Variants in IGFN1 observed in about 807,000 individuals in gnomAD.
IGFN1 encodes immunoglobulin like and fibronectin type III domain containing 1.
In IGFN1, 253 loss-of-function variants were observed where a neutral mutation model predicts 289.5. The observed-to-expected ratio is 0.87, with a 90% CI of 0.79 to 0.97. The LOEUF (loss-of-function observed/expected upper bound fraction) is 0.97. Among genes scored for constraint, IGFN1 ranks in the 50% least tolerant of loss-of-function variants. The pLI, the probability that IGFN1 is intolerant of heterozygous loss-of-function variation, is 0.00. For synonymous variants in IGFN1, 1,706 were observed against 1,788.5 expected, an observed-to-expected ratio of 0.95 and a Z score of 1.16; for missense variants, 4,470 against 4,686.1, an observed-to-expected ratio of 0.95 and a Z score of 1.35.
In IGFN1 at chr1:201,216,588, G is replaced by A; in HGVS notation, c.9430G>A (p.Gly3144Ser). Residue 3144 changes from glycine to serine, a missense_variant, in exon 16 of 24, where the codon GGC (glycine) becomes AGC (serine). Physicochemically the swap from Gly to Ser is moderately conservative, Grantham distance 56. Coordinates refer to ENST00000335211, the MANE Select transcript of IGFN1 (RefSeq NM_001164586.2). ...ECYVVERRQA[G>S]RSTWLKVGEA... Reference sequence around the variant, plus strand: ...CTACGTGGTGGAGAGACGGCAGGCTGGCAGGAGCACTTGGCTGAAGGTGGG... The same window carrying A: ...CTACGTGGTGGAGAGACGGCAGGCTAGCAGGAGCACTTGGCTGAAGGTGGG... 6.2e-7 allele frequency: 1 copy of A among 1,613,772 alleles called. No individual in the cohort carries two copies. The highest frequency in any genetic ancestry group is 8.5e-7 in the Non-Finnish European group (1 of 1,179,858).
intron 5 of IGFN1, among the ~76,000 whole-genome samples, chr1:201,198,300 T>A (rs1558134077): frequency 6.6e-6 from 1 of 152,176 alleles, no homozygotes; most frequent in Non-Finnish European, 1.5e-5. Context: ...CATGCCTGGC[T>A]AATTTTTGTA....
At position 201,214,169 on chromosome 1, in the gene IGFN1, C is replaced by T; in HGVS notation, c.8729-8C>T. 3 of 1,607,346 alleles carry T rather than the reference C, an allele frequency of 1.9e-6. No individual in the cohort carries two copies. The highest frequency in any genetic ancestry group is 2.5e-6 in the Non-Finnish European group (3 of 1,176,720). On this transcript the variant is annotated splice_polypyrimidine_tract_variant and splice_region_variant and intron_variant, in intron 12 of 23. Transcript: ENST00000335211. Reference sequence around the variant, plus strand: ...TCGGCCCTGGGGATTCCCTCTGTGTCTCTCCAGGCCCCATGGGCCACTTCT... The same window carrying T: ...TCGGCCCTGGGGATTCCCTCTGTGTTTCTCCAGGCCCCATGGGCCACTTCT...
chr1:201,216,426 C>T, intron 15 of IGFN1, 28 bp from the exon 16 acceptor site: 1 of 1,514,872 alleles, frequency 6.6e-7, no homozygotes, highest in South Asian at 1.3e-5. Context: ...GACCCCTCCT[C>T]TTCCCGCTCC....
In IGFN1 at chr1:201,206,764, G is replaced by A. The variant is rs930100766; in HGVS notation, c.1871G>A (p.Gly624Glu). ...GATCCTGTAGGGTCCTGGCCAAGAG[G>A]AAAGCAGATAGAGATTTCACAGGAT... is the stretch of plus-strand genomic sequence containing the variant. ...QSDPVGSWPR[G>E]KQIEISQDDS... The change falls in exon 12 of 24, where the codon GGA becomes GAA. Residue 624 changes from glycine to glutamate, a missense_variant. Physicochemically the swap from Gly to Glu is moderately conservative, Grantham distance 98 (BLOSUM62 -2). Coordinates refer to ENST00000335211, the MANE Select transcript of IGFN1 (RefSeq NM_001164586.2). The A allele has an allele frequency of 1.3e-6, 2 of 1,536,764 alleles. No homozygotes were observed. The highest frequency in any genetic ancestry group is 3.9e-5 in the Admixed American group (2 of 50,972).
At chr1:201,222,463 T>C in intron 19 of IGFN1, 1 of 355,418 alleles carries the variant, frequency 2.8e-6, no homozygotes, top group Non-Finnish European at 5.1e-6. Flanking sequence ...GTCTGCATCT[T>C]CCTCTGTTCC....
At chr1:201,215,340 C>T (rs942496603) in intron 14 of IGFN1, among the ~76,000 whole-genome samples, 186 bp downstream of exon 14, 1 of 152,202 alleles carries the variant, frequency 6.6e-6, no homozygotes, top group Non-Finnish European at 1.5e-5. Flanking sequence ...TTAGCTCTTT[C>T]CCTGTCAGGA....
chr1:201,204,532 A>G (rs945267879), intron 10 of IGFN1, among the ~76,000 whole-genome samples: 2 of 152,172 alleles, frequency 1.3e-5, no homozygotes, highest in African/African-American at 4.8e-5. Context: ...TGGGGGAGAA[A>G]AAAGGGGGTT....
At chr1:201,222,529 C>G (rs6427886) in intron 19 of IGFN1, 416,964 of 462,614 alleles carry the variant, frequency 0.9, 188,460 homozygotes, top group East Asian at 1. Flanking sequence ...GTCCCTCCCC[C>G]GCTAGCATCT....
In IGFN1 at chr1:201,221,664, C is replaced by T. The variant is rs779295216; in HGVS notation, c.10119C>T (p.Phe3373=). The T allele has an allele frequency of 8.1e-6, 13 of 1,614,014 alleles. No individual in the cohort carries two copies. Among genetic ancestry groups the T allele is most frequent in the African/African-American group, 6.7e-5 (5 of 74,944 alleles). The change falls in exon 19 of 24, where the codon TTC becomes TTT. Residue 3373 remains phenylalanine (F), a synonymous_variant. Transcript: ENST00000335211. ...GGCTTCGGCCTGGAGAGGGCTACTT[C>T]GTGCGGGTGACAGCAGTTAATGAAG... ...AKGLRPGEGY[F]VRVTAVNEGG...
At chr1:201,225,688 C>T (rs1654032243) in intron 21 of IGFN1, 136 bp from the exon 22 acceptor site, 2 of 692,246 alleles carry the variant, frequency 2.9e-6, no homozygotes, top group East Asian at 2.9e-5. Context: ...GCTGGCCAAG[C>T]TTACTCTGGG....
chr1:201,192,090 G>A (rs557696631), intron 1 of IGFN1, among the ~76,000 whole-genome samples: 51 of 152,266 alleles, frequency 3.3e-4, no homozygotes, highest in Non-Finnish European at 5.4e-4. Context: ...GACTCCCTTC[G>A]GCGTAGTGCC....
Position 201,226,988 on chromosome 1 carries a change from C to T in IGFN1, c.10893C>T (p.Cys3631=), listed in dbSNP as rs1373661100. 6.2e-7 allele frequency: 1 copy of T among 1,613,202 alleles called. No individual in the cohort carries two copies. The highest frequency in any genetic ancestry group is 1.3e-5 in the African/African-American group (1 of 74,936). Residue 3631 remains cysteine, a synonymous_variant, in exon 23 of 24, where the codon TGC becomes TGT. Transcript: ENST00000335211. ...ACCTGCTGCCCCAGGGCTGCGAGTG[C>T]TGCATGAGCTGTGCCGTGCAGGGCT... ...RSHLLPQGCE[C]CMSCAVQGSP...
At chr1:201,199,244 C>A in intron 5 of IGFN1, 90 bp from the exon 6 acceptor site, 1 of 1,118,858 alleles carries the variant, frequency 8.9e-7, no homozygotes, top group Non-Finnish European at 1.3e-6. Flanking sequence ...TCTGGGACTC[C>A]ATCAGTTTCT....
At chr1:201,192,474 G>A (rs1480970748) in intron 1 of IGFN1, among the ~76,000 whole-genome samples, 5 of 151,984 alleles carry the variant, frequency 3.3e-5, no homozygotes, top group African/African-American at 1.2e-4. Context: ...GGCCATAACA[G>A]ATGGATGCAA....
chr1:201,228,664 T>A lies in IGFN1; in HGVS notation c.*265T>A. The A allele has an allele frequency of 3.7e-6, 2 of 536,718 alleles. No homozygotes were observed. Among genetic ancestry groups the A allele is most frequent in the Non-Finnish European group, 6.7e-6 (2 of 300,574 alleles). The allele number at this position is 536,718 out of a possible 1,614,324, so 33.2% of individuals were successfully genotyped here. On this transcript the variant is annotated 3_prime_UTR_variant, in exon 24 of 24. Transcript: ENST00000335211. ...ACCTCCTGGACCCTCACCATATGGG[T>A]TTCTTTCTTCTTCGCTTCAGGAGAT...
rs865921243 is a variant in IGFN1, at chr1:201,209,102, G to A, written c.4209G>A (p.Gly1403=). 9.1e-6 allele frequency: 14 copies of A among 1,535,446 alleles called. No individual in the cohort carries two copies. Among genetic ancestry groups the A allele is most frequent in the South Asian group, 3.6e-5 (3 of 83,900 alleles). ...RAGLRGPGEM[G]SLDESGHRNG... ...GTTTAAGGGGTCCTGGGGAGATGGG[G>A]TCACTGGATGAGTCAGGTCATAGGA... Residue 1403 remains glycine (G), a synonymous_variant, in exon 12 of 24, where the codon GGG becomes GGA. Coordinates refer to ENST00000335211, the MANE Select transcript of IGFN1 (RefSeq NM_001164586.2).
chr1:201,204,024 A>T, intron 10 of IGFN1, 118 bp downstream of exon 10: 1 of 943,004 alleles, frequency 1.1e-6, no homozygotes, highest in East Asian at 2.7e-5. Context: ...GCAAAAGACA[A>T]TTGGGAGAGG....
chr1:201,209,410 G>T lies in IGFN1; in HGVS notation c.4517G>T (p.Gly1506Val). Reference sequence around the variant, plus strand: ...GATTTGGGGGTTTCTGAGGGAGGGGGTTCAGGGAGCAAAGCAGGTTATAGG... The same window carrying T: ...GATTTGGGGGTTTCTGAGGGAGGGGTTTCAGGGAGCAAAGCAGGTTATAGG... ...RKDLGVSEGG[G>V]SGSKAGYRGG... is the part of the protein sequence containing the mutation. Residue 1506 changes from glycine (G) to valine (V), a missense_variant, in exon 12 of 24, where the codon GGT becomes GTT. Physicochemically the swap from Gly to Val is moderately radical, Grantham distance 109. Transcript: ENST00000335211. 1 of 1,527,554 alleles carries T rather than the reference G, an allele frequency of 6.5e-7. No homozygotes were observed. The highest frequency in any genetic ancestry group is 8.8e-7 in the Non-Finnish European group (1 of 1,142,326). 94.6% of individuals were successfully genotyped at this position (1,527,554 alleles called of 1,614,324 possible).
At position 201,213,326 on chromosome 1, in the gene IGFN1, G is replaced by T; in HGVS notation, c.8433G>T (p.Arg2811Ser). Residue 2811 changes from arginine to serine, a missense_variant, in exon 12 of 24, where the codon AGG (arginine) becomes AGT (serine). Arg to Ser is a moderately radical substitution (Grantham distance 110). Around this residue, in one of 8 missense-constraint regions of IGFN1, gnomAD observed 2,218 missense variants for 2,114.1 expected, o/e 1.05. Coordinates refer to ENST00000335211, the MANE Select transcript of IGFN1 (RefSeq NM_001164586.2). ...AAGAGGCTGGGAGGTCAGGCAGGAG[G>T]CCTGGCTCACTCAGGAGCAGGTCTC... Reference protein sequence around the residue: ...GVEEAGRSGRRPGSLRSRSQA... With the variant: ...GVEEAGRSGRSPGSLRSRSQA... 1.3e-6 allele frequency: 2 copies of T among 1,591,060 alleles called. No individual in the cohort carries two copies. The highest frequency in any genetic ancestry group is 2.3e-5 in the South Asian group (2 of 88,094).
Sources: gnomAD v4.1 joint callset for allele counts (sites outside exome capture counted in the v4.1 genomes callset) on GRCh38, gnomAD v4.1.1 for gene constraint, gnomAD v4.1.1 regional missense constraint, MANE v1.5 for transcripts, NCBI Gene and HGNC (gene_info 2026-07-23, HGNC 2026-07-21) for gene names.